RCC1: variants seen among roughly 807,000 people sequenced by gnomAD.
The protein encoded by RCC1 is regulator of chromosome condensation 1.
In RCC1, 11 loss-of-function variants were observed where a neutral mutation model predicts 44.4. The ratio of observed to expected loss-of-function variants is 0.25; its 90% CI spans 0.16 to 0.41. The LOEUF is 0.41. RCC1 is among the 10% of genes least tolerant of loss of function. The pLI is 1.00. For missense variants in RCC1, 386 were observed against 547.1 expected, an observed-to-expected ratio of 0.71 and a Z score of 2.94; for synonymous variants, 213 against 216.5, an observed-to-expected ratio of 0.98 and a Z score of 0.14.
intron 7 of RCC1, among the ~76,000 whole-genome samples, chr1:28,533,684 T>A (rs1172889988): frequency 8.1e-6 from 1 of 123,896 alleles, no homozygotes; most frequent in African/African-American, 3.1e-5. Flanking sequence ...GCAGGAGAAT[T>A]GTTTGAACCT....
intron 5 of RCC1, chr1:28,530,539 C>T: frequency 1.9e-6 from 3 of 1,604,950 alleles, no homozygotes; most frequent in East Asian, 2.2e-5. Flanking sequence ...GGGCCGCTGC[C>T]TCCCGCCGCG....
rs910556976 is a variant in RCC1 at position 28,538,617 on chromosome 1, C to T, written c.*610C>T. The T allele has an allele frequency of 1.3e-5, 2 of 152,292 alleles. No individual in the cohort carries two copies. The highest frequency in any genetic ancestry group is 3.8e-4 in the East Asian group (2 of 5,206). The allele number at this position is 152,292 out of a possible 1,614,324, so 9.4% of individuals were successfully genotyped here. Reference sequence around the variant, plus strand: ...TTGACCAAGAAAAAAGTGATTCTCCCAGAAGCACAAAGCATACTCTTGCCC... The same window carrying T: ...TTGACCAAGAAAAAAGTGATTCTCCTAGAAGCACAAAGCATACTCTTGCCC... On this transcript the variant is annotated 3_prime_UTR_variant, in exon 13 of 13. Coordinates refer to ENST00000683442, the MANE Select transcript of RCC1 (RefSeq NM_001381865.2).
chr1:28,508,374 C>T, intron 2 of RCC1: 1 of 353,754 alleles, frequency 2.8e-6, no homozygotes, highest in African/African-American at 2.3e-5. Context: ...GTAAAAATTG[C>T]TTTTTTTAGT....
chr1:28,524,104 C>T (rs377400894), intron 4 of RCC1, among the ~76,000 whole-genome samples: 1 of 152,236 alleles, frequency 6.6e-6, no homozygotes, highest in Non-Finnish European at 1.5e-5. Flanking sequence ...CGTGAGCCAC[C>T]GTGCCCGGCC....
intron 2 of RCC1, chr1:28,508,475 G>A: frequency 1.1e-5 from 5 of 448,522 alleles, no homozygotes; most frequent in South Asian, 7.7e-5. Context: ...CCTGAGCTGA[G>A]AAAGATACTA....
chr1:28,508,692 C>T (rs1320623746), intron 2 of RCC1, 138 bp from the exon 3 acceptor site: 5 of 518,940 alleles, frequency 9.6e-6, no homozygotes, highest in Non-Finnish European at 1.5e-5. Context: ...GTGTCTGCGC[C>T]TGCATATTCC....
At chr1:28,527,819 G>A (rs1269525247) in intron 4 of RCC1, among the ~76,000 whole-genome samples, 2 of 151,268 alleles carry the variant, frequency 1.3e-5, no homozygotes, top group Non-Finnish European at 2.9e-5. Context: ...AGACCAGCGG[G>A]ACCAACATGG....
chr1:28,535,493 G>A (rs1664490711), intron 9 of RCC1, 113 bp downstream of exon 9: 1 of 1,520,110 alleles, frequency 6.6e-7, no homozygotes. Context: ...GGCTTGTGGT[G>A]TTGGTTAGGA....
chr1:28,536,365 C>A lies in RCC1; in HGVS notation c.921C>A (p.Val307=). The A allele has an allele frequency of 6.2e-7, 1 of 1,613,894 alleles. No homozygotes were observed. Among genetic ancestry groups the A allele is most frequent in the South Asian group, 1.1e-5 (1 of 91,040 alleles). ...VGFSGGQHHT[V]CMDSEGKAYS... is the part of the protein sequence containing the mutation. ...TCTCTGGTGGCCAGCACCATACAGT[C>A]TGCATGGATTCGGAAGGTAGGGCCT... Residue 307 remains valine, a synonymous_variant, in exon 11 of 13, where the codon GTC becomes GTA. Transcript: ENST00000683442. This position sits in a 1 kb window ranked among gnomAD's most constrained non-coding sequence, Gnocchi z 4.9.
intron 4 of RCC1, chr1:28,526,293 A>C: frequency 4.1e-6 from 1 of 245,046 alleles, no homozygotes. Context: ...TCTCAAAAAA[A>C]CAAACAAACA....
At chr1:28,530,665 G>C (rs747631728) in intron 5 of RCC1, 1 of 1,478,074 alleles carries the variant, frequency 6.8e-7, no homozygotes, top group South Asian at 1.2e-5. Context: ...GGGCTCCTCA[G>C]CGGTGGCCAC....
At chr1:28,530,961 G>T (rs1004058865) in intron 5 of RCC1, among the ~76,000 whole-genome samples, 53 of 152,286 alleles carry the variant, frequency 3.5e-4, no homozygotes, top group African/African-American at 1.2e-3. Context: ...CCTTGCTTTC[G>T]GTGCAGATTC....
At chr1:28,533,598 C>T (rs2124662287) in intron 7 of RCC1, among the ~76,000 whole-genome samples, 2 of 149,716 alleles carry the variant, frequency 1.3e-5, no homozygotes, top group Admixed American at 1.3e-4. Flanking sequence ...TGGAGAAACC[C>T]TGTCTCTATT....
chr1:28,507,564 A>AAAC (rs1662084687), intron 1 of RCC1: 1 of 517,350 alleles, frequency 1.9e-6, no homozygotes, highest in Non-Finnish European at 3.9e-6. Flanking sequence ...ACCATGCAGG[A>AAAC]AACAGCCTTC....
chr1:28,532,973 G>A (rs564278048), intron 7 of RCC1, among the ~76,000 whole-genome samples: 26 of 151,804 alleles, frequency 1.7e-4, no homozygotes, highest in African/African-American at 5.1e-4. Flanking sequence ...GCGCCACCAC[G>A]CCTGGCTAAT....
At position 28,532,362 on chromosome 1, in the gene RCC1, T is replaced by A; in HGVS notation, c.441+12T>A. Reference sequence around the variant, plus strand: ...GGGGCTCCTTCCGGGTAAGGCTGGGTCTGAAAGTCTGCATGGTCCCTGAAA... The same window carrying A: ...GGGGCTCCTTCCGGGTAAGGCTGGGACTGAAAGTCTGCATGGTCCCTGAAA... On this transcript the variant is annotated intron_variant, in intron 7 of 12. Transcript: ENST00000683442. The A allele has an allele frequency of 6.2e-7, 1 of 1,613,350 alleles. No homozygotes were observed. Among genetic ancestry groups the A allele is most frequent in the Non-Finnish European group, 8.5e-7 (1 of 1,179,632 alleles).
rs1189895259 is a variant in RCC1, at chr1:28,532,206, G to A, written c.297G>A (p.Leu99=). 1 of 1,613,792 alleles carries A rather than the reference G, an allele frequency of 6.2e-7. No individual in the cohort carries two copies. ...TCGGCTGCAATGATGAGGGTGCCCTGGGAAGGGACACATCAGTGGAGGGCT... is the reference window on the plus strand; with the variant it reads ...TCGGCTGCAATGATGAGGGTGCCCTAGGAAGGGACACATCAGTGGAGGGCT... ...YSFGCNDEGA[L]GRDTSVEGSE... Residue 99 remains leucine (L), a synonymous_variant, in exon 7 of 13, where the codon CTG becomes CTA. Transcript: ENST00000683442.
At chr1:28,514,689 A>G (rs1192566889) in intron 3 of RCC1, among the ~76,000 whole-genome samples, 4 of 151,740 alleles carry the variant, frequency 2.6e-5, no homozygotes, top group Non-Finnish European at 5.9e-5. Context: ...TGAACCTGGG[A>G]GGCAGAGGTT....
At position 28,536,922 on chromosome 1, in the gene RCC1, T is replaced by C; in HGVS notation, c.1090+23T>C. On this transcript the variant is annotated intron_variant, in intron 12 of 12. Transcript: ENST00000683442. The surrounding 1 kb of genome is among the most constrained non-coding windows in gnomAD (Gnocchi z 4.9). The stretch of plus-strand genomic sequence containing the variant: ...ATGGTGAGTGGGGCTGCCTACACTC[T>C]GTCTAGTTGGGACCTGGGGGTCATG... 1 of 1,612,914 alleles carries C rather than the reference T, an allele frequency of 6.2e-7. No individual in the cohort carries two copies. Among genetic ancestry groups the C allele is most frequent in the Middle Eastern group, 1.7e-4 (1 of 6,044 alleles).
Sources: allele counts gnomAD v4.1 joint callset (sites outside exome capture counted in the v4.1 genomes callset), GRCh38; gene constraint gnomAD v4.1.1; non-coding constraint Gnocchi (gnomAD v3.1); transcripts MANE v1.5; gene names NCBI Gene and HGNC (gene_info 2026-07-23, HGNC 2026-07-21).